The following SKOR2 variants were observed in gnomAD, a reference collection of about 807,000 sequenced individuals.
SKOR2 encodes LBX1 corepressor 1-like protein.
A neutral mutation model predicts 69.1 loss-of-function variants in SKOR2; 47 were observed. The ratio of observed to expected loss-of-function variants is 0.68; its 90% confidence interval spans 0.54 to 0.87. SKOR2 has a LOEUF of 0.87. SKOR2 is among the 40% of genes least tolerant of loss of function. The probability of loss-of-function intolerance (pLI) is 0.00; values close to 1 mark genes in which losing one functional copy is unlikely to be tolerated. For synonymous variants in SKOR2, 717 were observed against 672.6 expected, an observed-to-expected ratio of 1.07 and a Z score of -1.02; for missense variants, 1,404 against 1,472.2, an observed-to-expected ratio of 0.95 and a Z score of 0.76.
Position 47,246,662 on chromosome 18 carries a change from AGGGGCGGCGGCG to A in SKOR2, c.2510_2521del (p.Pro837_Pro840del), listed in dbSNP as rs754078810. On this transcript the variant is annotated inframe_deletion, in exon 2 of 9. Coordinates refer to ENST00000425639, the MANE Select transcript of SKOR2 (RefSeq NM_001278063.4). ...GCCGCCACTCGCCTTCTGGGGGGCC[AGGGGCGGCGGCG>A]GGGGCGGGGGCAGGTCCGAGCCGGG... 6.8e-7 allele frequency: 1 copy of A among 1,468,052 alleles called. No individual in the cohort carries two copies. Among genetic ancestry groups the A allele is most frequent in the Non-Finnish European group, 9.0e-7 (1 of 1,115,900 alleles). 90.9% of individuals were successfully genotyped at this position (1,468,052 alleles called of 1,614,324 possible).
intron 6 of SKOR2, among the ~76,000 whole-genome samples, chr18:47,225,594 G>A (rs2064175863): frequency 6.6e-6 from 1 of 152,140 alleles, no homozygotes; most frequent in Non-Finnish European, 1.5e-5. Flanking sequence ...TAACACGAGT[G>A]AAACAGAGGA....
At chr18:47,231,119 G>C (rs1312972391) in intron 4 of SKOR2, 119 bp from the exon 5 acceptor site, 1 of 1,536,048 alleles carries the variant, frequency 6.5e-7, no homozygotes, top group Admixed American at 2.0e-5. Flanking sequence ...GAAATTGGAA[G>C]TCCTCATAAC....
intron 4 of SKOR2, among the ~76,000 whole-genome samples, chr18:47,235,802 C>A (rs55717110): frequency 0.43 from 46,751 of 109,216 alleles, 9,184 homozygotes; most frequent in Middle Eastern, 0.57. Flanking sequence ...AAAAAAAAAA[C>A]AGCCAACAGA....
chr18:47,224,223 C>T (rs975893166), intron 6 of SKOR2, among the ~76,000 whole-genome samples: 16 of 152,016 alleles, frequency 1.1e-4, no homozygotes, highest in African/African-American at 3.6e-4. Flanking sequence ...TTTCTATGTT[C>T]TAAAGGTTGA....
chr18:47,247,252 C>G lies in SKOR2; in HGVS notation c.1932G>C (p.Ala644=), dbSNP rs927353578. 13 of 1,471,068 alleles carry G rather than the reference C, an allele frequency of 8.8e-6. No homozygotes were observed. Among genetic ancestry groups the G allele is most frequent in the Admixed American group, 2.3e-5 (1 of 42,766 alleles). 91.1% of individuals were successfully genotyped at this position (1,471,068 alleles called of 1,614,324 possible). Residue 644 remains alanine, a synonymous_variant, in exon 2 of 9, where the codon GCG becomes GCC. Coordinates refer to ENST00000425639, the MANE Select transcript of SKOR2 (RefSeq NM_001278063.4). This position sits in a 1 kb window ranked among gnomAD's most constrained non-coding sequence, Gnocchi z 6.6. ...ESLAKLHGAS[A]GAPHSAQTHP... ...GCGTCTGGGCCGAGTGGGGCGCGCC[C>G]GCCGACGCCCCGTGCAGCTTGGCCA...
At chr18:47,241,023 C>T (rs2064246236) in intron 4 of SKOR2, among the ~76,000 whole-genome samples, 1 of 152,094 alleles carries the variant, frequency 6.6e-6, no homozygotes, top group African/African-American at 2.4e-5. Flanking sequence ...TTATATAAAT[C>T]TTATCAGATG....
intron 8 of SKOR2, 130 bp downstream of exon 8, chr18:47,211,956 T>C: frequency 1.4e-6 from 1 of 739,276 alleles, no homozygotes; most frequent in Non-Finnish European, 1.9e-6. Flanking sequence ...AGTTTATTGG[T>C]ATATTGACTC....
intron 1 of SKOR2, 84 bp from the exon 2 acceptor site, chr18:47,249,314 G>A (rs2064302854): frequency 8.1e-7 from 1 of 1,238,350 alleles, no homozygotes; most frequent in Non-Finnish European, 1.1e-6. Flanking sequence ...CAAAGAATTA[G>A]AATAACTTTC....
intron 4 of SKOR2, among the ~76,000 whole-genome samples, chr18:47,232,719 A>G (rs1419948195): frequency 6.6e-6 from 1 of 152,252 alleles, no homozygotes; most frequent in South Asian, 2.1e-4. Context: ...TAAGCACTCA[A>G]TAAAGGGTCT....
intron 5 of SKOR2, 59 bp downstream of exon 5, chr18:47,230,876 T>C (rs1319059190): frequency 2.7e-6 from 4 of 1,483,134 alleles, no homozygotes; most frequent in Non-Finnish European, 3.6e-6. Context: ...TATCCTCCTA[T>C]TATCTCCACA....
chr18:47,233,179 A>G (rs1295044972), intron 4 of SKOR2, among the ~76,000 whole-genome samples: 1 of 152,194 alleles, frequency 6.6e-6, no homozygotes, highest in African/African-American at 2.4e-5. Flanking sequence ...AATAGCAAGC[A>G]TCTTCTCTAA....
chr18:47,245,633 G>T, intron 2 of SKOR2, 72 bp from the exon 3 acceptor site: 7 of 1,374,838 alleles, frequency 5.1e-6, no homozygotes, highest in Non-Finnish European at 6.7e-6. Context: ...ACAGTCAGCA[G>T]GAAGAAGCAT....
In SKOR2 at chr18:47,244,956, T is replaced by C. The variant is rs1445648169; in HGVS notation, c.2704A>G (p.Ile902Val). The change falls in exon 4 of 9, where the codon ATC (isoleucine) becomes GTC (valine). Residue 902 changes from isoleucine to valine, a missense_variant. Ile to Val is a conservative substitution (Grantham distance 29). This residue lies in a region of SKOR2 where 1,266 missense variants were observed against 1,309.9 expected (regional missense o/e 0.97). Transcript: ENST00000425639. ...SDKNKEHSFF[I>V]TDSDASGGDF... ...CCTCCAGAAGCATCAGAGTCTGTGATGAAAAAGCTATGCTCCTTGTTCTTA... is the reference window on the plus strand; with the variant it reads ...CCTCCAGAAGCATCAGAGTCTGTGACGAAAAAGCTATGCTCCTTGTTCTTA... 2 of 1,535,716 alleles carry C rather than the reference T, an allele frequency of 1.3e-6. No homozygotes were observed. Among genetic ancestry groups the C allele is most frequent in the African/African-American group, 1.4e-5 (1 of 73,022 alleles).
chr18:47,241,891 T>C (rs1479898288), intron 4 of SKOR2, among the ~76,000 whole-genome samples: 5 of 152,124 alleles, frequency 3.3e-5, no homozygotes, highest in African/African-American at 7.2e-5. Flanking sequence ...GGAATCTGTA[T>C]CAAATTAATT....
In SKOR2 at chr18:47,230,509, A is replaced by G; in HGVS notation, c.2867T>C (p.Leu956Pro). ...TTTTAACACCTGGAATTCTTGTTCC[A>G]GTCGTCTCCGTAAATCTATTTGTTC... Reference protein sequence around the residue: ...LFEQIDLRRRLEQEFQVLKGN... With the variant: ...LFEQIDLRRRPEQEFQVLKGN... Residue 956 changes from leucine (L) to proline (P), a missense_variant, in exon 6 of 9, where the codon CTG (leucine) becomes CCG (proline). By Grantham distance (98) the Leu-to-Pro change is moderately conservative (BLOSUM62 -3). Transcript: ENST00000425639. 6.9e-7 allele frequency: 1 copy of G among 1,451,344 alleles called. No homozygotes were observed. The highest frequency in any genetic ancestry group is 1.8e-4 in the Middle Eastern group (1 of 5,416). 89.9% of individuals were successfully genotyped at this position (1,451,344 alleles called of 1,614,324 possible).
At chr18:47,211,458 G>A (rs1406438203) in intron 8 of SKOR2, among the ~76,000 whole-genome samples, 4 of 151,998 alleles carry the variant, frequency 2.6e-5, no homozygotes, top group Non-Finnish European at 5.9e-5. Flanking sequence ...CAAATACTTC[G>A]GTATGTTCTG....
chr18:47,217,177 C>T (rs1487869834), intron 7 of SKOR2, among the ~76,000 whole-genome samples: 1 of 152,208 alleles, frequency 6.6e-6, no homozygotes, highest in Admixed American at 6.5e-5. Context: ...GTGGCTTACA[C>T]CTGTAATAGT....
intron 4 of SKOR2, among the ~76,000 whole-genome samples, chr18:47,236,900 T>C (rs2144503222): frequency 6.6e-6 from 1 of 152,360 alleles, no homozygotes; most frequent in South Asian, 2.1e-4. Context: ...TTATTGTCTT[T>C]ATTCTGCCCC....
At chr18:47,230,663 T>A in intron 5 of SKOR2, 106 bp from the exon 6 acceptor site, 1 of 766,482 alleles carries the variant, frequency 1.3e-6, no homozygotes, top group Non-Finnish European at 1.9e-6. Flanking sequence ...TTTACCAGTT[T>A]AAAAAGTGTT....
Sources: gnomAD v4.1 joint callset for allele counts (sites outside exome capture counted in the v4.1 genomes callset) on GRCh38, gnomAD v4.1.1 for gene constraint, gnomAD v4.1.1 regional missense constraint, Gnocchi (gnomAD v3.1) non-coding constraint, MANE v1.5 for transcripts, NCBI Gene and HGNC (gene_info 2026-07-23, HGNC 2026-07-21) for gene names.